PEX14: variants seen among roughly 807,000 people sequenced by gnomAD.
PEX14 encodes peroxisomal membrane protein PEX14.
Under a neutral mutation model 49.5 loss-of-function variants are expected in PEX14, and 15 were observed. The observed-to-expected ratio is 0.30, with a 90% CI of 0.20 to 0.47. The LOEUF (loss-of-function observed/expected upper bound fraction) is 0.47, where lower values mean the gene tolerates loss of function less well. Ranked by LOEUF, PEX14 falls within the 20% of genes least tolerant of loss-of-function variation. The pLI is 1.00. For synonymous variants in PEX14, 210 were observed against 212.7 expected, an observed-to-expected ratio of 0.99 and a Z score of 0.11; for missense variants, 398 against 494.8, an observed-to-expected ratio of 0.80 and a Z score of 1.86.
At chr1:10,521,972 T>A (rs557749073) in intron 2 of PEX14, among the ~76,000 whole-genome samples, 4 of 152,316 alleles carry the variant, frequency 2.6e-5, no homozygotes, top group African/African-American at 9.6e-5. Context: ...CGTCACACAC[T>A]GGCCCCAGTG....
At chr1:10,573,419 TA>T (rs1640036803) in intron 3 of PEX14, among the ~76,000 whole-genome samples, 1 of 152,092 alleles carries the variant, frequency 6.6e-6, no homozygotes, top group African/African-American at 2.4e-5. Flanking sequence ...CCGTCTCTCT[TA>T]AAAAAGGGTG....
At chr1:10,497,508 G>C (rs141272844) in intron 2 of PEX14, among the ~76,000 whole-genome samples, 30 of 152,302 alleles carry the variant, frequency 2.0e-4, no homozygotes, top group African/African-American at 6.7e-4. Context: ...CCTTGTTCTT[G>C]AGTAATTCAC....
chr1:10,536,189 C>T (rs1437114733), intron 2 of PEX14, 24 bp from the exon 3 acceptor site: 1 of 1,442,866 alleles, frequency 6.9e-7, no homozygotes, highest in African/African-American at 1.4e-5. Flanking sequence ...GAAGTTTACT[C>T]CTCTATTTTC....
intron 3 of PEX14, among the ~76,000 whole-genome samples, chr1:10,564,126 C>G (rs1428595952): frequency 1.3e-5 from 2 of 151,988 alleles, no homozygotes; most frequent in Admixed American, 1.3e-4. Flanking sequence ...AACATAGAAT[C>G]TTTGAATATT....
At chr1:10,553,935 T>G (rs1177333897) in intron 3 of PEX14, among the ~76,000 whole-genome samples, 2 of 152,246 alleles carry the variant, frequency 1.3e-5, no homozygotes, top group Non-Finnish European at 2.9e-5. Flanking sequence ...GCACCTCGGT[T>G]TTCTGGTAGC....
At chr1:10,620,378 G>A (rs1418823171) in intron 5 of PEX14, among the ~76,000 whole-genome samples, 1 of 152,102 alleles carries the variant, frequency 6.6e-6, no homozygotes, top group East Asian at 1.9e-4. Flanking sequence ...GCTATACTCG[G>A]GAGGCTGAGG....
chr1:10,483,075 T>A (rs1178619458), intron 1 of PEX14, among the ~76,000 whole-genome samples: 1 of 152,224 alleles, frequency 6.6e-6, no homozygotes, highest in Non-Finnish European at 1.5e-5. Context: ...AGTTTGATTG[T>A]TTGGTTAAGG....
rs41274482 is a variant in PEX14, at chr1:10,599,281, C to T, written c.213C>T (p.Gly71=). Residue 71 remains glycine (G), a synonymous_variant, in exon 4 of 9, where the codon GGC becomes GGT. Transcript: ENST00000356607. ...TTGATATGGCCTTCCAGCAGTCGGG[C>T]ACTGCTGCCGATGAGCCTTCGTCCT... The part of the protein sequence containing the change: ...EEIDMAFQQS[G]TAADEPSSLG... The T allele has an allele frequency of 1.2e-6, 2 of 1,613,354 alleles. No homozygotes were observed. Among genetic ancestry groups the T allele is most frequent in the Non-Finnish European group, 1.7e-6 (2 of 1,179,374 alleles).
In PEX14 at chr1:10,483,029, C is replaced by G. The variant is rs148179100; in HGVS notation, c.36+8027C>G. Among the ~76,000 whole-genome samples, 66 of 152,328 alleles carry G rather than the reference C, an allele frequency of 4.3e-4. 1 individual carries two copies. The East Asian group carries it at 0.013, about 29-fold the overall frequency. On this transcript the variant is annotated intron_variant, in intron 1 of 8. Transcript: ENST00000356607. The stretch of plus-strand genomic sequence containing the variant: ...AGTGACGTTGTGTCTATCTGTGTAT[C>G]ATATCTGGAGGAACGAGTCCCATTG...
intron 2 of PEX14, among the ~76,000 whole-genome samples, chr1:10,531,285 C>G (rs1314345588): frequency 6.6e-6 from 1 of 152,204 alleles, no homozygotes; most frequent in Non-Finnish European, 1.5e-5. Context: ...TGCTTTGCAA[C>G]TATTTCCCTG....
intron 1 of PEX14, among the ~76,000 whole-genome samples, chr1:10,487,833 T>G (rs1330267025): frequency 1.3e-5 from 2 of 151,766 alleles, no homozygotes; most frequent in African/African-American, 4.8e-5. Flanking sequence ...TCGGCTGGAG[T>G]GCAGTGGCTC....
chr1:10,612,065 A>G lies in PEX14; in HGVS notation c.299-6267A>G, dbSNP rs143049803. 5.8e-3 allele frequency among the ~76,000 whole-genome samples: 883 copies of G among 152,300 alleles called. 4 individuals carry two copies. The highest frequency in any genetic ancestry group is 7.3e-3 in the Non-Finnish European group (497 of 68,030). On this transcript the variant is annotated intron_variant, in intron 4 of 8. Coordinates refer to ENST00000356607, the MANE Select transcript of PEX14 (RefSeq NM_004565.3). ...TCTTAAGATGTTTTTGTTTACCCCA[A>G]GGTTGCAAAGATTTTCTTCTATGTT...
chr1:10,516,890 C>G (rs896912883), intron 2 of PEX14: 1 of 152,292 alleles, frequency 6.6e-6, no homozygotes, highest in Non-Finnish European at 1.5e-5. Flanking sequence ...AGATTCTTCT[C>G]TAGACCTGGA....
At chr1:10,617,798 G>A (rs116852591) in intron 4 of PEX14, among the ~76,000 whole-genome samples, 1 of 152,212 alleles carries the variant, frequency 6.6e-6, no homozygotes, top group East Asian at 1.9e-4. Flanking sequence ...GGCTCCAAGC[G>A]AGAGCAGGGC....
rs951458382 is a variant in PEX14, at chr1:10,500,547, G to A, written c.84+5226G>A. ...TGTACTTGTCGGCAGGTTCACTGTG[G>A]ATAAGTGGTTCTCATTTTTTTTCCC... On this transcript the variant is annotated intron_variant, in intron 2 of 8. Coordinates refer to ENST00000356607, the MANE Select transcript of PEX14 (RefSeq NM_004565.3). Among the ~76,000 whole-genome samples, 32 of 152,088 alleles carry A rather than the reference G, an allele frequency of 2.1e-4. 1 individual carries two copies. The highest frequency in any genetic ancestry group is 4.4e-5 in the Non-Finnish European group (3 of 68,024).
At chr1:10,560,213 A>G (rs10746495) in intron 3 of PEX14, among the ~76,000 whole-genome samples, 110,387 of 151,674 alleles carry the variant, frequency 0.73, 41,271 homozygotes, top group Non-Finnish European at 0.82. Context: ...GCCCGCCACC[A>G]TGCCCAGCTA....
intron 3 of PEX14, among the ~76,000 whole-genome samples, chr1:10,595,273 G>A (rs1442090345): frequency 4.6e-5 from 7 of 152,144 alleles, no homozygotes; most frequent in South Asian, 2.1e-4. Flanking sequence ...AAGATGAAGC[G>A]GCCTCTTTAC....
At chr1:10,609,546 C>T (rs1317442674) in intron 4 of PEX14, among the ~76,000 whole-genome samples, 2 of 152,170 alleles carry the variant, frequency 1.3e-5, no homozygotes, top group Non-Finnish European at 2.9e-5. Context: ...TTTCTGTTAA[C>T]CACCAATCTC....
intron 3 of PEX14, among the ~76,000 whole-genome samples, chr1:10,580,345 C>T (rs1169548756): frequency 6.6e-6 from 1 of 152,096 alleles, no homozygotes; most frequent in African/African-American, 2.4e-5. Flanking sequence ...CTGCCTTGGC[C>T]TCCCGGGTAG....
Sources: allele counts gnomAD v4.1 joint callset (sites outside exome capture counted in the v4.1 genomes callset), GRCh38; gene constraint gnomAD v4.1.1; transcripts MANE v1.5; gene names NCBI Gene and HGNC (gene_info 2026-07-23, HGNC 2026-07-21).